The following ARHGAP39 variants were observed in gnomAD, a reference collection of about 807,000 sequenced individuals.
ARHGAP39 encodes Rho GTPase activating protein 39, also known as rho GTPase-activating protein 39.
In ARHGAP39, 44 loss-of-function variants were observed where a neutral mutation model predicts 106.9. The ratio of observed to expected loss-of-function variants is 0.41; its 90% CI spans 0.32 to 0.53. The LOEUF (loss-of-function observed/expected upper bound fraction) is 0.53, where lower values mean the gene tolerates loss of function less well. Ranked by LOEUF, ARHGAP39 falls within the 20% of genes least tolerant of loss-of-function variation. ARHGAP39 has a pLI of 0.21. For missense variants in ARHGAP39, 1,496 were observed against 1,577.3 expected, an observed-to-expected ratio of 0.95 and a Z score of 0.87; for synonymous variants, 768 against 693.2, an observed-to-expected ratio of 1.11 and a Z score of -1.69.
chr8:144,607,322 G>A (rs1372122711), intron 1 of ARHGAP39, among the ~76,000 whole-genome samples: 1 of 150,706 alleles, frequency 6.6e-6, no homozygotes, highest in African/African-American at 2.4e-5. Flanking sequence ...TCAGGCAAAA[G>A]CAGCCTCTGC....
chr8:144,632,917 C>A (rs1406699766), intron 1 of ARHGAP39, among the ~76,000 whole-genome samples: 1 of 152,268 alleles, frequency 6.6e-6, no homozygotes, highest in Non-Finnish European at 1.5e-5. Flanking sequence ...AAGAAATCTT[C>A]CGGGCCATGC....
intron 1 of ARHGAP39, among the ~76,000 whole-genome samples, chr8:144,681,200 A>G (rs772904150): frequency 6.6e-6 from 1 of 152,244 alleles, no homozygotes; most frequent in Non-Finnish European, 1.5e-5. Flanking sequence ...GATGAAAGAC[A>G]CAACGAGGCA....
chr8:144,542,676 C>T (rs1422902624), intron 6 of ARHGAP39, among the ~76,000 whole-genome samples: 6 of 146,904 alleles, frequency 4.1e-5, no homozygotes, highest in South Asian at 2.3e-4. Context: ...CAATGGCTCA[C>T]GCCTCTAATC....
rs147743170 is a variant in ARHGAP39, at chr8:144,537,965, G to A, written c.2522-152C>T. 614 of 674,520 alleles carry A rather than the reference G, an allele frequency of 9.1e-4. 2 individuals are homozygous for A. Among genetic ancestry groups the A allele is most frequent in the Non-Finnish European group, 1.4e-3 (557 of 394,884 alleles). The allele number at this position is 674,520 out of a possible 1,614,324, so 41.8% of individuals were successfully genotyped here. A position where few individuals can be genotyped will look rare whatever the true frequency, so the allele number is the denominator to read the frequency against. On this transcript the variant is annotated intron_variant, in intron 6 of 11. Coordinates refer to ENST00000377307, the MANE Select transcript of ARHGAP39 (RefSeq NM_025251.3). Reference sequence around the variant, plus strand: ...GGCTGAGCGTTTCTGGGGGGACGTGGCTGTGTGAGTGGCAGAGAGGTGCCG... The same window carrying A: ...GGCTGAGCGTTTCTGGGGGGACGTGACTGTGTGAGTGGCAGAGAGGTGCCG...
At chr8:144,624,234 C>A (rs561963826) in intron 1 of ARHGAP39, among the ~76,000 whole-genome samples, 3 of 152,216 alleles carry the variant, frequency 2.0e-5, no homozygotes, top group Non-Finnish European at 4.4e-5. Context: ...ACAGCCATGA[C>A]GAGCGCCCTT....
At chr8:144,616,227 C>T (rs552248820) in intron 1 of ARHGAP39, among the ~76,000 whole-genome samples, 34 of 152,346 alleles carry the variant, frequency 2.2e-4, no homozygotes, top group South Asian at 8.3e-4. Context: ...GCCTTTAGGA[C>T]GCATGGACCT....
At chr8:144,631,172 C>G (rs1821053397) in intron 1 of ARHGAP39, among the ~76,000 whole-genome samples, 1 of 152,256 alleles carries the variant, frequency 6.6e-6, no homozygotes, top group Non-Finnish European at 1.5e-5. Context: ...CCAAGCCATT[C>G]ATGAGGGATC....
At chr8:144,561,485 CA>C (rs1818154274) in intron 3 of ARHGAP39, among the ~76,000 whole-genome samples, 2 of 127,102 alleles carry the variant, frequency 1.6e-5, no homozygotes, top group Non-Finnish European at 3.5e-5. Flanking sequence ...GTTTCCATCA[CA>C]CTCCAGTGGT....
chr8:144,588,273 G>A (rs1819257397), intron 2 of ARHGAP39, among the ~76,000 whole-genome samples: 1 of 152,262 alleles, frequency 6.6e-6, no homozygotes, highest in African/African-American at 2.4e-5. Context: ...TCCTGCGTGA[G>A]GGAACCAGGC....
chr8:144,534,411 G>C (rs1816869431), intron 7 of ARHGAP39, among the ~76,000 whole-genome samples: 1 of 152,196 alleles, frequency 6.6e-6, no homozygotes, highest in South Asian at 2.1e-4. Flanking sequence ...CACCTGCAGA[G>C]GGACAGGCTT....
Position 144,561,755 on chromosome 8 carries a change from A to C in ARHGAP39, c.513-6112T>G, listed in dbSNP as rs376790947. On this transcript the variant is annotated intron_variant, in intron 3 of 11. Transcript: ENST00000377307. Reference sequence around the variant, plus strand: ...AATCCAGTGGTTTCCATCGGACTTAATCCAGTGGTTTCCATCGGACTTACT... The same window carrying C: ...AATCCAGTGGTTTCCATCGGACTTACTCCAGTGGTTTCCATCGGACTTACT... Among the ~76,000 whole-genome samples the C allele has an allele frequency of 7.6e-3, 789 of 103,150 alleles. 49 individuals carry two copies. Among genetic ancestry groups the C allele is most frequent in the African/African-American group, 0.033 (696 of 21,400 alleles). 67.7% of individuals were successfully genotyped at this position (103,150 alleles called of 152,430 possible). A position where few individuals can be genotyped will look rare whatever the true frequency, so the allele number is the denominator to read the frequency against.
At chr8:144,553,816 G>C (rs1817810394) in intron 4 of ARHGAP39, among the ~76,000 whole-genome samples, 2 of 152,250 alleles carry the variant, frequency 1.3e-5, no homozygotes, top group African/African-American at 4.8e-5. Flanking sequence ...GCAAACACTG[G>C]GCTGGGCCGC....
At chr8:144,629,933 C>T (rs1238118543) in intron 1 of ARHGAP39, among the ~76,000 whole-genome samples, 1 of 151,972 alleles carries the variant, frequency 6.6e-6, no homozygotes, top group Non-Finnish European at 1.5e-5. Context: ...TGCAGCACAA[C>T]GCAGGGGCAG....
chr8:144,547,009 A>T lies in ARHGAP39; in HGVS notation c.1959+118T>A, dbSNP rs1286450649. 7.8e-7 allele frequency: 1 copy of T among 1,283,692 alleles called. No homozygotes were observed. Among genetic ancestry groups the T allele is most frequent in the East Asian group, 2.7e-5 (1 of 37,476 alleles). The allele number at this position is 1,283,692 out of a possible 1,614,324, so 79.5% of individuals were successfully genotyped here. On this transcript the variant is annotated intron_variant, in intron 5 of 11. Coordinates refer to ENST00000377307, the MANE Select transcript of ARHGAP39 (RefSeq NM_025251.3). This position sits in a 1 kb window ranked among gnomAD's most constrained non-coding sequence, Gnocchi z 5.2. ...GGCCCCGGAGACACGGGGCTTCAGA[A>T]CTCTGCGTGCTGCGTGCACGCCCTG... is the stretch of plus-strand genomic sequence containing the variant.
intron 2 of ARHGAP39, among the ~76,000 whole-genome samples, chr8:144,587,614 C>T (rs1341249320): frequency 1.3e-5 from 2 of 151,646 alleles, no homozygotes; most frequent in African/African-American, 4.8e-5. Context: ...CAGGGAAAGG[C>T]CTGCTGGGTC....
the ARHGAP39 span, among the ~76,000 whole-genome samples, chr8:144,692,525 A>C: frequency 1.3e-5 from 2 of 152,116 alleles, no homozygotes; most frequent in Admixed American, 1.3e-4. Flanking sequence ...AGACATTCCC[A>C]GTTGCTGCTC....
the ARHGAP39 span, among the ~76,000 whole-genome samples, chr8:144,691,496 T>C: frequency 6.6e-6 from 1 of 152,000 alleles, no homozygotes; most frequent in Non-Finnish European, 1.5e-5. Flanking sequence ...CCTTGCAAGG[T>C]CGGGTGTCTA....
intron 1 of ARHGAP39, among the ~76,000 whole-genome samples, 73 bp downstream of exon 1, chr8:144,685,613 G>T (rs1586658553): frequency 1.3e-5 from 2 of 148,914 alleles, no homozygotes; most frequent in Non-Finnish European, 1.5e-5. Context: ...CCAGGACCAC[G>T]GGGACCGCAG....
intron 2 of ARHGAP39, among the ~76,000 whole-genome samples, chr8:144,602,578 G>A (rs1421518208): frequency 5.0e-5 from 7 of 141,222 alleles, no homozygotes; most frequent in South Asian, 2.3e-4. Flanking sequence ...GTGTACCTGT[G>A]TGCATGTGTG....
Sources: gnomAD v4.1 joint callset for allele counts (sites outside exome capture counted in the v4.1 genomes callset) on GRCh38, gnomAD v4.1.1 for gene constraint, Gnocchi (gnomAD v3.1) non-coding constraint, MANE v1.5 for transcripts, NCBI Gene and HGNC (gene_info 2026-07-23, HGNC 2026-07-21) for gene names.